Variants in CEP112 observed in about 807,000 individuals in gnomAD.
CEP112 encodes centrosomal protein 112.
In CEP112, 127 loss-of-function variants were observed where a neutral mutation model predicts 153.0. The ratio of observed to expected loss-of-function variants is 0.83; its 90% CI spans 0.72 to 0.96. The LOEUF is 0.96. Ranked by LOEUF, CEP112 falls within the 40% of genes least tolerant of loss-of-function variation. The pLI, the probability that CEP112 is intolerant of heterozygous loss-of-function variation, is 0.00. For synonymous variants in CEP112, 358 were observed against 374.4 expected (o/e 0.96, Z 0.51); for missense variants, 1,089 against 1,101.2 (o/e 0.99, Z 0.16).
chr17:65,929,596 C>A (rs1040638027), intron 18 of CEP112, among the ~76,000 whole-genome samples: 4 of 152,170 alleles, frequency 2.6e-5, no homozygotes, highest in Non-Finnish European at 4.4e-5. Flanking sequence ...GGATATATCA[C>A]CTTCAGATTC....
At chr17:65,900,739 T>C (rs2059816735) in intron 20 of CEP112, among the ~76,000 whole-genome samples, 1 of 152,132 alleles carries the variant, frequency 6.6e-6, no homozygotes, top group Non-Finnish European at 1.5e-5. Flanking sequence ...AACTAGACAA[T>C]ATTCCTAATA....
chr17:65,979,162 T>C (rs1007856943), intron 17 of CEP112, among the ~76,000 whole-genome samples: 1 of 150,720 alleles, frequency 6.6e-6, no homozygotes, highest in Non-Finnish European at 1.5e-5. Flanking sequence ...ACCCCCACCA[T>C]TGATACTTAA....
chr17:65,993,371 T>C (rs2063666067), intron 17 of CEP112, among the ~76,000 whole-genome samples: 1 of 152,226 alleles, frequency 6.6e-6, no homozygotes, highest in African/African-American at 2.4e-5. Context: ...TTCCATGTCT[T>C]TGCTACTGTG....
At chr17:65,885,144 G>A (rs931312039) in intron 20 of CEP112, among the ~76,000 whole-genome samples, 1 of 152,156 alleles carries the variant, frequency 6.6e-6, no homozygotes, top group African/African-American at 2.4e-5. Flanking sequence ...TATATTCTGA[G>A]AAATAGCAGA....
At chr17:65,868,656 A>G (rs2058558037) in intron 20 of CEP112, among the ~76,000 whole-genome samples, 1 of 152,184 alleles carries the variant, frequency 6.6e-6, no homozygotes, top group Non-Finnish European at 1.5e-5. Flanking sequence ...TGTATCAGTA[A>G]AAAAGAATAT....
In CEP112 at chr17:65,641,075, A is replaced by T. The variant is rs538229661; in HGVS notation, c.2698-10T>A. The stretch of plus-strand genomic sequence containing the variant: ...GTCGTATGTAAGTTATCTAAATTGG[A>T]AAAAAATTAAGAGTTATCTTTTTAC... On this transcript the variant is annotated splice_polypyrimidine_tract_variant and intron_variant, in intron 24 of 26. Coordinates refer to ENST00000535342, the MANE Select transcript of CEP112 (RefSeq NM_001199165.4). The T allele has an allele frequency of 7.0e-7, 1 of 1,419,866 alleles. No individual in the cohort carries two copies. Among genetic ancestry groups the T allele is most frequent in the South Asian group, 1.2e-5 (1 of 86,826 alleles). 88.0% of individuals were successfully genotyped at this position (1,419,866 alleles called of 1,614,324 possible).
In CEP112 at chr17:66,121,782, G is replaced by A. The variant is rs561622601; in HGVS notation, c.642+7964C>T. Among the ~76,000 whole-genome samples the A allele has an allele frequency of 3.6e-4, 54 of 151,880 alleles. 2 individuals carry two copies. In the South Asian group the frequency reaches 0.011, roughly 32 times the overall value. ...AGTGGCTATGCCTCCTGAGGAGCTGGAACTATAGGTGCATGCCACTGTGCC... is the reference window on the plus strand; with the variant it reads ...AGTGGCTATGCCTCCTGAGGAGCTGAAACTATAGGTGCATGCCACTGTGCC... On this transcript the variant is annotated intron_variant, in intron 6 of 26. Transcript: ENST00000535342.
At chr17:66,119,865 T>A (rs1034658585) in intron 6 of CEP112, among the ~76,000 whole-genome samples, 5 of 152,202 alleles carry the variant, frequency 3.3e-5, no homozygotes, top group African/African-American at 1.2e-4. Context: ...TTCCAGTTGC[T>A]CCTCATCCTC....
chr17:65,837,901 A>C (rs1194677392), intron 21 of CEP112, among the ~76,000 whole-genome samples: 1 of 152,268 alleles, frequency 6.6e-6, no homozygotes, highest in Admixed American at 6.5e-5. Flanking sequence ...ATACTCGTTA[A>C]GAGTCATCAC....
At chr17:65,669,331 A>C (rs1473915042) in intron 24 of CEP112, among the ~76,000 whole-genome samples, 2 of 152,252 alleles carry the variant, frequency 1.3e-5, no homozygotes, top group African/African-American at 4.8e-5. Context: ...TAGACTTTAG[A>C]GTCTGATGAG....
chr17:65,700,832 C>T (rs978890396), intron 23 of CEP112, among the ~76,000 whole-genome samples: 2 of 152,022 alleles, frequency 1.3e-5, no homozygotes, highest in Non-Finnish European at 2.9e-5. Context: ...ATCTATGGGA[C>T]AAGACAGAGG....
chr17:65,968,090 A>T (rs1599177758), intron 17 of CEP112, among the ~76,000 whole-genome samples: 1 of 152,202 alleles, frequency 6.6e-6, no homozygotes, highest in South Asian at 2.1e-4. Flanking sequence ...ATGTAGTATT[A>T]TATCAGTATA....
chr17:65,761,652 C>A (rs927536077), intron 21 of CEP112, among the ~76,000 whole-genome samples: 3 of 151,830 alleles, frequency 2.0e-5, no homozygotes, highest in African/African-American at 7.3e-5. Context: ...CTTCTTTGAC[C>A]CGTGTGATTT....
intron 17 of CEP112, among the ~76,000 whole-genome samples, chr17:66,001,145 C>G (rs571724327): frequency 1.3e-5 from 2 of 152,298 alleles, no homozygotes; most frequent in South Asian, 4.2e-4. Flanking sequence ...TGGAGCGTCA[C>G]CCGGCCTCAG....
intron 4 of CEP112, among the ~76,000 whole-genome samples, chr17:66,155,242 G>A (rs956628008): frequency 2.0e-5 from 3 of 152,162 alleles, no homozygotes; most frequent in South Asian, 2.1e-4. Context: ...CACAGAGGGC[G>A]AGCCGAAGCA....
chr17:65,971,477 A>ATG (rs2062806218), intron 17 of CEP112, among the ~76,000 whole-genome samples: 1 of 108,848 alleles, frequency 9.2e-6, no homozygotes, highest in Non-Finnish European at 1.9e-5. Context: ...TGTATCATGC[A>ATG]TGTATGACAT....
At chr17:65,746,165 C>CAA (rs56361589) in intron 22 of CEP112, among the ~76,000 whole-genome samples, 8,484 of 48,854 alleles carry the variant, frequency 0.17, 960 homozygotes, top group East Asian at 0.58. Context: ...AACTCCATCT[C>CAA]AAAAAAAAAA....
chr17:65,969,928 C>T (rs1339579735), intron 17 of CEP112, among the ~76,000 whole-genome samples: 3 of 152,070 alleles, frequency 2.0e-5, no homozygotes, highest in Admixed American at 6.5e-5. Flanking sequence ...ATATCACATG[C>T]GCTACAGGCA....
chr17:65,785,189 G>A (rs2054215883), intron 21 of CEP112, among the ~76,000 whole-genome samples: 1 of 152,120 alleles, frequency 6.6e-6, no homozygotes, highest in Non-Finnish European at 1.5e-5. Flanking sequence ...AATCCATTGT[G>A]TGGATATACC....
Sources: allele counts gnomAD v4.1 joint callset (sites outside exome capture counted in the v4.1 genomes callset), GRCh38; gene constraint gnomAD v4.1.1; transcripts MANE v1.5; gene names NCBI Gene and HGNC (gene_info 2026-07-23, HGNC 2026-07-21).